CCDC178: variants seen among roughly 807,000 people sequenced by gnomAD.
The protein encoded by CCDC178 is coiled-coil domain containing 178.
CCDC178 carries 126 observed loss-of-function variants against 117.4 expected under a neutral mutation model. The observed-to-expected ratio is 1.07, with a 90% CI of 0.93 to 1.24. The LOEUF is 1.24. Ranked by LOEUF, CCDC178 falls within the 50% of genes most tolerant of loss-of-function variation. The probability of loss-of-function intolerance (pLI) is 0.00; values close to 1 mark genes in which losing one functional copy is unlikely to be tolerated. For synonymous variants in CCDC178, 283 were observed against 313.4 expected, an observed-to-expected ratio of 0.90 and a Z score of 1.02; for missense variants, 1,030 against 986.9, an observed-to-expected ratio of 1.04 and a Z score of -0.59.
At chr18:33,313,627 C>T (rs996955801) in intron 11 of CCDC178, among the ~76,000 whole-genome samples, 2 of 152,158 alleles carry the variant, frequency 1.3e-5, no homozygotes, top group African/African-American at 2.4e-5. Context: ...AAAAGTATGA[C>T]TGGGATCTTC....
At chr18:33,236,907 C>T (rs546473225) in intron 15 of CCDC178, among the ~76,000 whole-genome samples, 32 of 152,290 alleles carry the variant, frequency 2.1e-4, no homozygotes, top group African/African-American at 7.2e-4. Context: ...TCAGCCCCCA[C>T]TGCCACTGTA....
At chr18:33,402,857 T>C (rs1168676550) in intron 3 of CCDC178, among the ~76,000 whole-genome samples, 2 of 152,210 alleles carry the variant, frequency 1.3e-5, no homozygotes, top group Non-Finnish European at 2.9e-5. Flanking sequence ...TGCACCGCCA[T>C]GCCTGGCTTC....
chr18:33,364,972 T>C (rs1568177897), intron 6 of CCDC178, among the ~76,000 whole-genome samples: 2 of 151,966 alleles, frequency 1.3e-5, no homozygotes, highest in Non-Finnish European at 1.5e-5. Flanking sequence ...GGAGTGGGGA[T>C]GGCAGACCAT....
chr18:33,019,205 TA>T (rs1462623485), intron 21 of CCDC178, among the ~76,000 whole-genome samples: 2 of 152,162 alleles, frequency 1.3e-5, no homozygotes, highest in African/African-American at 4.8e-5. Flanking sequence ...AATGAATGAA[TA>T]AACAGAAGCT....
intron 20 of CCDC178, among the ~76,000 whole-genome samples, chr18:33,146,497 A>C (rs1374557548): frequency 6.6e-6 from 1 of 152,092 alleles, no homozygotes; most frequent in Non-Finnish European, 1.5e-5. Context: ...TCTGCAAAAA[A>C]CTTTTATAAA....
chr18:32,952,510 T>C (rs185029192), intron 22 of CCDC178, among the ~76,000 whole-genome samples: 1 of 152,264 alleles, frequency 6.6e-6, no homozygotes, highest in Non-Finnish European at 1.5e-5. Flanking sequence ...CAGGACACCA[T>C]GTTCTTTCTA....
intron 21 of CCDC178, among the ~76,000 whole-genome samples, chr18:32,981,455 G>A (rs4444410): frequency 0.93 from 141,692 of 152,222 alleles, 66,472 homozygotes; most frequent in Non-Finnish European, 0.99. Context: ...AGCTGGTAAG[G>A]TTACACAGAA....
chr18:33,011,740 T>C lies in CCDC178; in HGVS notation c.2389-37059A>G, dbSNP rs1445835069. Among the ~76,000 whole-genome samples, 5 of 109,934 alleles carry C rather than the reference T, an allele frequency of 4.5e-5. No homozygotes were observed. The East Asian group carries it at 1.2e-3, about 26-fold the overall frequency. The allele number at this position is 109,934 out of a possible 152,430, so 72.1% of individuals were successfully genotyped here. A position where few individuals can be genotyped will look rare whatever the true frequency, so the allele number is the denominator to read the frequency against. On this transcript the variant is annotated intron_variant, in intron 21 of 22. Transcript: ENST00000383096. ...AGGGTTTTGGCAAACAGGCTTAACT[T>C]AACGTGGCAAATGATTGAGCAGAAT...
chr18:33,065,865 T>C (rs1482562332), intron 21 of CCDC178, among the ~76,000 whole-genome samples: 1 of 149,382 alleles, frequency 6.7e-6, no homozygotes. Flanking sequence ...CTTTTTCTTT[T>C]TTTTTTTTTT....
intron 12 of CCDC178, among the ~76,000 whole-genome samples, chr18:33,289,952 C>T (rs939913668): frequency 2.6e-5 from 4 of 151,992 alleles, no homozygotes; most frequent in Non-Finnish European, 4.4e-5. Context: ...AACTTCAAAC[C>T]TTGCAAATAA....
intron 15 of CCDC178, among the ~76,000 whole-genome samples, chr18:33,236,261 T>C (rs1410865815): frequency 1.3e-5 from 2 of 152,032 alleles, no homozygotes; most frequent in Non-Finnish European, 2.9e-5. Flanking sequence ...AGATTTAGAG[T>C]GTTCTAAAGA....
intron 21 of CCDC178, among the ~76,000 whole-genome samples, chr18:33,062,461 G>A (rs2056939528): frequency 6.6e-6 from 1 of 152,172 alleles, no homozygotes; most frequent in South Asian, 2.1e-4. Context: ...AATTCAGCAT[G>A]CAAGTGACAG....
rs2058698921 is a variant in CCDC178 at position 33,179,079 on chromosome 18, A to AATATATC, written c.2238+32816_2238+32817insGATATAT. ...CTCAGTAAAAAAAAAAAAAAAAAAA[A>AATATATC]TATATATATATATATATATATATAT... On this transcript the variant is annotated intron_variant, in intron 20 of 22. Transcript: ENST00000383096. 6.8e-5 allele frequency among the ~76,000 whole-genome samples: 3 copies of AATATATC among 43,870 alleles called. 1 individual carries two copies. The highest frequency in any genetic ancestry group is 5.0e-4 in the African/African-American group (3 of 5,976). 28.8% of individuals were successfully genotyped at this position (43,870 alleles called of 152,430 possible). A position where few individuals can be genotyped will look rare whatever the true frequency, so the allele number is the denominator to read the frequency against.
chr18:32,988,456 ATAGT>A (rs1408676853), intron 21 of CCDC178, among the ~76,000 whole-genome samples: 1 of 152,134 alleles, frequency 6.6e-6, no homozygotes, highest in Non-Finnish European at 1.5e-5. Flanking sequence ...AAATAAATAA[ATAGT>A]TAATTCTTTA....
At chr18:33,203,274 C>T (rs774497077) in intron 20 of CCDC178, among the ~76,000 whole-genome samples, 25 of 152,182 alleles carry the variant, frequency 1.6e-4, no homozygotes, top group Non-Finnish European at 3.1e-4. Flanking sequence ...ATATTAGGTG[C>T]CACATATTTT....
chr18:33,171,138 G>A (rs2058594493), intron 20 of CCDC178, among the ~76,000 whole-genome samples: 2 of 152,052 alleles, frequency 1.3e-5, no homozygotes, highest in Admixed American at 6.6e-5. Context: ...TAAACCAGCT[G>A]AGGAAAAATA....
At chr18:33,339,609 T>C (rs1599185337) in intron 9 of CCDC178, among the ~76,000 whole-genome samples, 1 of 151,996 alleles carries the variant, frequency 6.6e-6, no homozygotes, top group Admixed American at 6.6e-5. Flanking sequence ...ACTTGAATTG[T>C]ATCTCCCAGA....
chr18:33,031,160 T>C (rs1244577637), intron 21 of CCDC178, among the ~76,000 whole-genome samples: 3 of 152,182 alleles, frequency 2.0e-5, no homozygotes, highest in Non-Finnish European at 4.4e-5. Flanking sequence ...AGTTCTTTAC[T>C]GCTTCCTTTT....
At chr18:33,191,037 T>C (rs1568044668) in intron 20 of CCDC178, among the ~76,000 whole-genome samples, 1 of 152,196 alleles carries the variant, frequency 6.6e-6, no homozygotes, top group Admixed American at 6.5e-5. Context: ...TCAGTAATTA[T>C]ATGTATCAAT....
Sources: gnomAD v4.1 joint callset for allele counts (sites outside exome capture counted in the v4.1 genomes callset) on GRCh38, gnomAD v4.1.1 for gene constraint, MANE v1.5 for transcripts, NCBI Gene and HGNC (gene_info 2026-07-23, HGNC 2026-07-21) for gene names.